The following TGM6 variants were observed in gnomAD, a reference collection of about 807,000 sequenced individuals.
TGM6 encodes transglutaminase 6, also known as protein-glutamine gamma-glutamyltransferase 6.
A neutral mutation model predicts 77.5 loss-of-function variants in TGM6; 74 were observed. The observed-to-expected ratio is 0.96, with a 90% CI of 0.79 to 1.16. TGM6 has a LOEUF of 1.16. TGM6 is among the 50% of genes most tolerant of loss of function. The pLI, the probability that TGM6 is intolerant of heterozygous loss-of-function variation, is 0.00. For synonymous variants in TGM6, 383 were observed against 378.9 expected (o/e 1.01, Z -0.12); for missense variants, 968 against 940.2 (o/e 1.03, Z -0.39).
chr20:2,430,469 T>A lies in TGM6; in HGVS notation c.1702T>A (p.Ser568Thr). ...QEEKRIPITI[S>T]YSKYKEDLTE... ...AGAGAAGAGAATCCCAATTACAATATCTTACTCTAAGTATAAAGAAGACCT... is the reference window on the plus strand; with the variant it reads ...AGAGAAGAGAATCCCAATTACAATAACTTACTCTAAGTATAAAGAAGACCT... Residue 568 changes from serine to threonine, a missense_variant, in exon 11 of 13, where the codon TCT (serine) becomes ACT (threonine). Physicochemically the swap from Ser to Thr is moderately conservative, Grantham distance 58. Coordinates refer to ENST00000202625, the MANE Select transcript of TGM6 (RefSeq NM_198994.3). 3 of 1,614,186 alleles carry A rather than the reference T, an allele frequency of 1.9e-6. No homozygotes were observed. The highest frequency in any genetic ancestry group is 2.5e-6 in the Non-Finnish European group (3 of 1,180,030).
In TGM6 at chr20:2,403,826, A is replaced by G; in HGVS notation, c.1336+3A>G. 1.2e-6 allele frequency: 2 copies of G among 1,614,088 alleles called. No individual in the cohort carries two copies. The highest frequency in any genetic ancestry group is 1.7e-6 in the Non-Finnish European group (2 of 1,180,024). On this transcript the variant is annotated splice_donor_region_variant and intron_variant, in intron 9 of 12. Transcript: ENST00000202625. ...TGACCTCTACAAGTATCCGGAAGGT[A>G]AGGGCCACATGGCGGCCTTTATTAC...
chr20:2,397,780 C>T (rs1244783872), intron 4 of TGM6, 138 bp from the exon 5 acceptor site: 1 of 1,391,456 alleles, frequency 7.2e-7, no homozygotes, highest in African/African-American at 1.4e-5. Context: ...AGGGGGTGCT[C>T]TGTGATGCCC....
At chr20:2,406,075 C>T in intron 9 of TGM6, among the ~76,000 whole-genome samples, 1 of 152,212 alleles carries the variant, frequency 6.6e-6, no homozygotes, top group South Asian at 2.1e-4. Context: ...CTCACACCCC[C>T]AACTCACACT....
intron 12 of TGM6, 44 bp from the exon 13 acceptor site, chr20:2,432,446 C>T: frequency 6.2e-7 from 1 of 1,611,882 alleles, no homozygotes; most frequent in Non-Finnish European, 8.5e-7. Context: ...CTCAGAATGG[C>T]AAGAGGACTG....
In TGM6 at chr20:2,431,036, C is replaced by A. The variant is rs780592016; in HGVS notation, c.1967+9C>A. 5.1e-5 allele frequency: 83 copies of A among 1,613,490 alleles called. No homozygotes were observed. Among genetic ancestry groups the A allele is most frequent in the Admixed American group, 4.5e-4 (27 of 59,988 alleles). Reference sequence around the variant, plus strand: ...GAACAGCTCAGCATCGAGTAAGTGCCAGCCTGGGGGGCTGGCAGGGAATGG... The same window carrying A: ...GAACAGCTCAGCATCGAGTAAGTGCAAGCCTGGGGGGCTGGCAGGGAATGG... On this transcript the variant is annotated intron_variant, in intron 12 of 12. Transcript: ENST00000202625.
rs768547532 is a variant in TGM6 at position 2,399,625 on chromosome 20, C to A, written c.737C>A (p.Thr246Asn). ...GQWQGKYGGG[T>N]SPLHWRGSVA... ...TGGCAGGGCAAGTACGGCGGCGGCACCAGCCCGCTGCACTGGCGCGGCAGC... is the reference window on the plus strand; with the variant it reads ...TGGCAGGGCAAGTACGGCGGCGGCAACAGCCCGCTGCACTGGCGCGGCAGC... The change falls in exon 6 of 13, where the codon ACC becomes AAC. Residue 246 changes from threonine to asparagine, a missense_variant. By Grantham distance (65) the Thr-to-Asn change is moderately conservative (BLOSUM62 0). Transcript: ENST00000202625. 6.2e-7 allele frequency: 1 copy of A among 1,613,474 alleles called. No individual in the cohort carries two copies.
In TGM6 at chr20:2,395,357, C is replaced by T; in HGVS notation, c.345C>T (p.Ser115=). Residue 115 remains serine, a synonymous_variant, in exon 3 of 13, where the codon AGC becomes AGT. Coordinates refer to ENST00000202625, the MANE Select transcript of TGM6 (RefSeq NM_198994.3). ...PSAVIGRYLL[S]IRLSSHRKHS... is the part of the protein sequence containing the mutation. ...CTGTCATTGGCCGCTACCTGCTGAG[C>T]ATCAGGCTTTCCTCTCACCGCAAAC... The T allele has an allele frequency of 6.2e-7, 1 of 1,614,256 alleles. No homozygotes were observed. The highest frequency in any genetic ancestry group is 8.5e-7 in the Non-Finnish European group (1 of 1,180,038).
At chr20:2,429,045 G>A (rs924595513) in intron 10 of TGM6, among the ~76,000 whole-genome samples, 5 of 152,108 alleles carry the variant, frequency 3.3e-5, no homozygotes, top group African/African-American at 9.7e-5. Flanking sequence ...GGCTGGTCTT[G>A]AACTCCTGAC....
chr20:2,410,152 G>A (rs1269804435), intron 9 of TGM6, among the ~76,000 whole-genome samples: 1 of 152,172 alleles, frequency 6.6e-6, no homozygotes, highest in Non-Finnish European at 1.5e-5. Context: ...ATCAAGGCAT[G>A]ATTAGGGATT....
At chr20:2,428,072 G>T (rs930377672) in intron 10 of TGM6, among the ~76,000 whole-genome samples, 4 of 152,112 alleles carry the variant, frequency 2.6e-5, no homozygotes, top group Non-Finnish European at 4.4e-5. Flanking sequence ...TTTCCAGTTT[G>T]ATTTCATTGT....
chr20:2,396,226 A>T (rs1417495044), intron 3 of TGM6, among the ~76,000 whole-genome samples: 1 of 151,946 alleles, frequency 6.6e-6, no homozygotes, highest in African/African-American at 2.4e-5. Flanking sequence ...AGAAGGAAAT[A>T]TGAGAAATAT....
rs749044326 is a variant in TGM6, at chr20:2,403,621, C to T, written c.1134C>T (p.Arg378=). 3.1e-5 allele frequency: 50 copies of T among 1,614,072 alleles called. No homozygotes were observed. The highest frequency in any genetic ancestry group is 3.3e-4 in the Middle Eastern group (2 of 6,084). ...GCCCAGCCTCAGTCACCGCCATCCG[C>T]GAGGGTGATGTGCACCTGGCTCACG... ...RCGPASVTAI[R]EGDVHLAHDG... Residue 378 remains arginine, a synonymous_variant, in exon 9 of 13, where the codon CGC becomes CGT. Coordinates refer to ENST00000202625, the MANE Select transcript of TGM6 (RefSeq NM_198994.3).
intron 10 of TGM6, among the ~76,000 whole-genome samples, chr20:2,425,721 AT>A (rs1568671151): frequency 6.6e-6 from 1 of 152,170 alleles, no homozygotes; most frequent in African/African-American, 2.4e-5. Flanking sequence ...CTTTAAAAAA[AT>A]CTTAATTGAT....
chr20:2,432,178 A>C (rs1333455079), intron 12 of TGM6, among the ~76,000 whole-genome samples: 1 of 151,978 alleles, frequency 6.6e-6, no homozygotes, highest in Non-Finnish European at 1.5e-5. Flanking sequence ...CTTCCTGAGT[A>C]GCTGGGATTA....
At chr20:2,427,743 G>C (rs563695544) in intron 10 of TGM6, among the ~76,000 whole-genome samples, 1 of 151,812 alleles carries the variant, frequency 6.6e-6, no homozygotes, top group African/African-American at 2.4e-5. Context: ...TTGGGGGAGG[G>C]GTGTTTGTTT....
intron 5 of TGM6, 72 bp from the exon 6 acceptor site, chr20:2,399,489 G>C (rs1389284904): frequency 1.2e-6 from 2 of 1,609,166 alleles, no homozygotes; most frequent in African/African-American, 2.7e-5. Flanking sequence ...AGTTGGACAG[G>C]ATTTGACCAC....
intron 9 of TGM6, among the ~76,000 whole-genome samples, chr20:2,412,575 G>A (rs1478816349): frequency 6.6e-6 from 1 of 152,020 alleles, no homozygotes; most frequent in Non-Finnish European, 1.5e-5. Context: ...TGGAAACAGA[G>A]AAATTTCCAA....
intron 10 of TGM6, among the ~76,000 whole-genome samples, chr20:2,420,161 C>T (rs947737602): frequency 6.6e-6 from 1 of 152,052 alleles, no homozygotes; most frequent in Non-Finnish European, 1.5e-5. Flanking sequence ...AGGAGAAAGG[C>T]GTGAACCCAG....
Position 2,394,584 on chromosome 20 carries a change from C to T in TGM6, c.140C>T (p.Ala47Val), listed in dbSNP as rs1400958264. Reference sequence around the variant, plus strand: ...AGCCTCACGCTGGAGCTGAGCAGAGCCCTGGACTGTGAGGAGATCCTCATC... The same window carrying T: ...AGCCTCACGCTGGAGCTGAGCAGAGTCCTGGACTGTGAGGAGATCCTCATC... Reference protein sequence around the residue: ...SFSLTLELSRALDCEEILIFT... With the variant: ...SFSLTLELSRVLDCEEILIFT... Residue 47 changes from alanine (A) to valine (V), a missense_variant, in exon 2 of 13, where the codon GCC becomes GTC. Transcript: ENST00000202625. The T allele has an allele frequency of 1.9e-6, 3 of 1,612,248 alleles. No individual in the cohort carries two copies. Among genetic ancestry groups the T allele is most frequent in the Non-Finnish European group, 2.5e-6 (3 of 1,179,744 alleles).
Sources: gnomAD v4.1 joint callset for allele counts (sites outside exome capture counted in the v4.1 genomes callset) on GRCh38, gnomAD v4.1.1 for gene constraint, MANE v1.5 for transcripts, NCBI Gene and HGNC (gene_info 2026-07-23, HGNC 2026-07-21) for gene names.